Variants in SLC4A7 observed in about 807,000 individuals in gnomAD.
SLC4A7 encodes the protein sodium bicarbonate cotransporter 3.
A neutral mutation model predicts 137.6 loss-of-function variants in SLC4A7; 51 were observed. The ratio of observed to expected loss-of-function variants is 0.37; its 90% confidence interval spans 0.30 to 0.47. The LOEUF is 0.47. Among genes scored for constraint, SLC4A7 ranks in the 20% least tolerant of loss-of-function variants. The pLI is 1.00. For missense variants in SLC4A7, 1,247 were observed against 1,525.4 expected, an observed-to-expected ratio of 0.82 and a Z score of 3.04; for synonymous variants, 542 against 518.6, an observed-to-expected ratio of 1.05 and a Z score of -0.61.
intron 1 of SLC4A7, among the ~76,000 whole-genome samples, chr3:27,474,361 G>T (rs1329455888): frequency 6.6e-6 from 1 of 152,182 alleles, no homozygotes; most frequent in African/African-American, 2.4e-5. Context: ...TTTAAAAACA[G>T]TATAAAGCTA....
rs1458709918 is a variant in SLC4A7 at position 27,375,500 on chromosome 3, T to C, written c.*1264A>G. Reference sequence around the variant, plus strand: ...GAAAAGCAAAAACTAATACACAAAATAAAAATGTCATTAATCTGAGCTACA... The same window carrying C: ...GAAAAGCAAAAACTAATACACAAAACAAAAATGTCATTAATCTGAGCTACA... On this transcript the variant is annotated 3_prime_UTR_variant, in exon 26 of 26. Transcript: ENST00000454389. 6.6e-6 allele frequency: 1 copy of C among 152,342 alleles called. No homozygotes were observed. Among genetic ancestry groups the C allele is most frequent in the African/African-American group, 2.4e-5 (1 of 41,426 alleles). 9.4% of individuals were successfully genotyped at this position (152,342 alleles called of 1,614,324 possible). A position where few individuals can be genotyped will look rare whatever the true frequency, so the allele number is the denominator to read the frequency against.
chr3:27,377,320 T>C (rs2049992609), intron 25 of SLC4A7, among the ~76,000 whole-genome samples: 1 of 152,216 alleles, frequency 6.6e-6, no homozygotes, highest in Admixed American at 6.5e-5. Flanking sequence ...CTATTCTATA[T>C]ATTCTATATA....
At position 27,397,759 on chromosome 3, in the gene SLC4A7, T is replaced by G; in HGVS notation, c.2628A>C (p.Thr876=). Residue 876 remains threonine (T), a synonymous_variant, in exon 18 of 26, where the codon ACA becomes ACC. Transcript: ENST00000454389. The part of the protein sequence containing the change: ...STISDFAVFL[T]IVIMVTIDYL... ...AGTCAATTGTAACCATTATTACTAT[T>G]GTGAGAAATACAGCAAAATCACTGA... 1.2e-6 allele frequency: 2 copies of G among 1,608,910 alleles called. No individual in the cohort carries two copies. Among genetic ancestry groups the G allele is most frequent in the Non-Finnish European group, 1.7e-6 (2 of 1,176,834 alleles).
At position 27,484,059 on chromosome 3, in the gene SLC4A7, G is replaced by T; in HGVS notation, c.60+8C>A. ...TGCGGAGGAGCCCCACCGCCGCGGC[G>T]CCCTCACCCTGCTCGTTACCCGGGT... On this transcript the variant is annotated splice_region_variant and intron_variant, in intron 1 of 25. Coordinates refer to ENST00000454389, the MANE Select transcript of SLC4A7 (RefSeq NM_001321103.2). 7.2e-7 allele frequency: 1 copy of T among 1,396,936 alleles called. No homozygotes were observed. Among genetic ancestry groups the T allele is most frequent in the Non-Finnish European group, 9.3e-7 (1 of 1,071,052 alleles). 86.5% of individuals were successfully genotyped at this position (1,396,936 alleles called of 1,614,324 possible).
chr3:27,458,126 C>T (rs905086825), intron 1 of SLC4A7, among the ~76,000 whole-genome samples: 1 of 152,068 alleles, frequency 6.6e-6, no homozygotes, highest in African/African-American at 2.4e-5. Flanking sequence ...TTTACAAATG[C>T]TTATTTTGTC....
At chr3:27,409,166 T>C (rs1275808295) in intron 13 of SLC4A7, among the ~76,000 whole-genome samples, 190 bp downstream of exon 13, 2 of 152,178 alleles carry the variant, frequency 1.3e-5, no homozygotes, top group African/African-American at 4.8e-5. Context: ...ACCTCAACTG[T>C]GCATCTTCTG....
intron 24 of SLC4A7, among the ~76,000 whole-genome samples, chr3:27,380,218 A>T (rs1416753012): frequency 6.6e-6 from 1 of 151,840 alleles, no homozygotes; most frequent in Admixed American, 6.6e-5. Context: ...GAGGCAGGAG[A>T]ATCTCTTGAA....
At chr3:27,390,610 C>T (rs2051439828) in intron 21 of SLC4A7, among the ~76,000 whole-genome samples, 1 of 152,146 alleles carries the variant, frequency 6.6e-6, no homozygotes, top group Admixed American at 6.5e-5. Flanking sequence ...TGAATAAGAT[C>T]AGCCCTAATC....
chr3:27,379,540 G>C (rs1443229439), intron 24 of SLC4A7, among the ~76,000 whole-genome samples, 184 bp from the exon 25 acceptor site: 11 of 151,638 alleles, frequency 7.3e-5, no homozygotes, highest in Non-Finnish European at 1.2e-4. Context: ...CTAGGAGTAA[G>C]ATTAAGATTA....
chr3:27,392,836 A>T (rs2051715792), intron 20 of SLC4A7, among the ~76,000 whole-genome samples: 1 of 152,178 alleles, frequency 6.6e-6, no homozygotes, highest in Admixed American at 6.5e-5. Context: ...AAAAGAAAAA[A>T]GAAAAAAAAA....
intron 7 of SLC4A7, among the ~76,000 whole-genome samples, chr3:27,428,051 A>C (rs1251427160): frequency 6.6e-6 from 1 of 152,226 alleles, no homozygotes; most frequent in Non-Finnish European, 1.5e-5. Flanking sequence ...TATTGGAAAA[A>C]ATGGAAGGAA....
rs373352688 is a variant in SLC4A7, at chr3:27,424,372, G to A, written c.1151-220C>T. 10 of 343,542 alleles carry A rather than the reference G, an allele frequency of 2.9e-5. No homozygotes were observed. In the East Asian group the frequency reaches 4.5e-4, roughly 15 times the overall value. The allele number at this position is 343,542 out of a possible 1,614,324, so 21.3% of individuals were successfully genotyped here. A position where few individuals can be genotyped will look rare whatever the true frequency, so the allele number is the denominator to read the frequency against. Reference sequence around the variant, plus strand: ...TTTAATATTTAAAATAATACAATTAGAATTTACAAAAATTGTGGCCTTTTG... The same window carrying A: ...TTTAATATTTAAAATAATACAATTAAAATTTACAAAAATTGTGGCCTTTTG... On this transcript the variant is annotated intron_variant, in intron 7 of 25. Coordinates refer to ENST00000454389, the MANE Select transcript of SLC4A7 (RefSeq NM_001321103.2).
At chr3:27,411,864 C>G in intron 11 of SLC4A7, 116 bp from the exon 12 acceptor site, 1 of 428,672 alleles carries the variant, frequency 2.3e-6, no homozygotes, top group Non-Finnish European at 4.1e-6. Context: ...ATCAGTTCTC[C>G]TAGAAAAGAA....
intron 3 of SLC4A7, among the ~76,000 whole-genome samples, chr3:27,439,035 A>G (rs1230051594): frequency 6.6e-6 from 1 of 152,196 alleles, no homozygotes. Flanking sequence ...CTCCATATAA[A>G]CAAATACACC....
At chr3:27,407,801 T>C (rs1414979841) in intron 13 of SLC4A7, among the ~76,000 whole-genome samples, 7 of 151,922 alleles carry the variant, frequency 4.6e-5, no homozygotes, top group Non-Finnish European at 1.0e-4. Flanking sequence ...TTTCACACTT[T>C]TCCCCTCTCC....
chr3:27,402,534 C>T (rs1352090560), intron 15 of SLC4A7, among the ~76,000 whole-genome samples: 1 of 151,858 alleles, frequency 6.6e-6, no homozygotes, highest in African/African-American at 2.4e-5. Flanking sequence ...ACTCTGTCTC[C>T]ACTAAAAATA....
At chr3:27,451,721 TAAATA>T (rs1244335131) in intron 2 of SLC4A7, among the ~76,000 whole-genome samples, 1 of 152,130 alleles carries the variant, frequency 6.6e-6, no homozygotes, top group Non-Finnish European at 1.5e-5. Flanking sequence ...TAGTGAAGCC[TAAATA>T]AAATCTGTGG....
rs775383841 is a variant in SLC4A7, at chr3:27,421,619, T to C, written c.1424+3A>G. 9 of 1,608,048 alleles carry C rather than the reference T, an allele frequency of 5.6e-6. No individual in the cohort carries two copies. Among genetic ancestry groups the C allele is most frequent in the East Asian group, 2.2e-5 (1 of 44,852 alleles). The stretch of plus-strand genomic sequence containing the variant: ...AGAATGTTACTTGGAACTAACTCTT[T>C]ACCTGGTTGGAACAGGGACCTCAGT... On this transcript the variant is annotated splice_donor_region_variant and intron_variant, in intron 9 of 25. Coordinates refer to ENST00000454389, the MANE Select transcript of SLC4A7 (RefSeq NM_001321103.2).
intron 1 of SLC4A7, among the ~76,000 whole-genome samples, chr3:27,460,796 G>A (rs1240520731): frequency 1.6e-4 from 24 of 152,120 alleles, no homozygotes; most frequent in Non-Finnish European, 2.9e-5. Context: ...CTGCGCCATG[G>A]CCTTTAAGAA....
Sources: allele counts gnomAD v4.1 joint callset (sites outside exome capture counted in the v4.1 genomes callset), GRCh38; gene constraint gnomAD v4.1.1; transcripts MANE v1.5; gene names NCBI Gene and HGNC (gene_info 2026-07-23, HGNC 2026-07-21).